WWOX: variants seen among roughly 807,000 people sequenced by gnomAD.
WWOX encodes WW domain containing oxidoreductase.
A neutral mutation model predicts 46.2 loss-of-function variants in WWOX; 69 were observed. The ratio of observed to expected loss-of-function variants is 1.49; its 90% CI spans 1.23 to 1.82. The LOEUF is 1.82. Among genes scored for constraint, WWOX ranks in the 40% most tolerant of loss-of-function variants. WWOX has a pLI of 0.00. For synonymous variants in WWOX, 359 were observed against 202.6 expected (o/e 1.77, Z -6.56); for missense variants, 919 against 542.6 (o/e 1.69, Z -6.89).
chr16:78,809,342 G>T (rs937791582), intron 8 of WWOX, among the ~76,000 whole-genome samples: 2 of 147,546 alleles, frequency 1.4e-5, no homozygotes, highest in African/African-American at 2.5e-5. Flanking sequence ...AAAAACCACC[G>T]TGGTATTCTA....
rs375687991 is a variant in WWOX, at chr16:78,128,966, G to C, written c.409+13812G>C. ...TTAGCAAAGGAAGTTTCAATTCTAA[G>C]TTCACGTACAGTTACTAGATTGAGT... On this transcript the variant is annotated intron_variant, in intron 4 of 8. Coordinates refer to ENST00000566780, the MANE Select transcript of WWOX (RefSeq NM_016373.4). 1.4e-3 allele frequency among the ~76,000 whole-genome samples: 212 copies of C among 152,280 alleles called. 7 individuals carry two copies. In the South Asian group the frequency reaches 0.039, roughly 28 times the overall value.
Position 78,849,498 on chromosome 16 carries a change from C to T in WWOX, c.1057-362110C>T, listed in dbSNP as rs190105612. 5.7e-3 allele frequency among the ~76,000 whole-genome samples: 796 copies of T among 139,368 alleles called. 9 individuals carry two copies. Among genetic ancestry groups the T allele is most frequent in the African/African-American group, 0.019 (720 of 37,692 alleles). 91.4% of individuals were successfully genotyped at this position (139,368 alleles called of 152,430 possible). On this transcript the variant is annotated intron_variant, in intron 8 of 8. Transcript: ENST00000566780. The stretch of plus-strand genomic sequence containing the variant: ...CTGAGGCAGGAGAATGGCGTGAACC[C>T]GGGAGGCGGAGCTTGCAGTGAGCGG...
chr16:78,584,411 C>T (rs187403331), intron 8 of WWOX, among the ~76,000 whole-genome samples: 19 of 152,290 alleles, frequency 1.2e-4, no homozygotes, highest in Admixed American at 5.9e-4. Flanking sequence ...CGCAACACGT[C>T]GCTTAATCTC....
At chr16:78,892,061 G>A (rs1054637145) in intron 8 of WWOX, 1 of 152,070 alleles carries the variant, frequency 6.6e-6, no homozygotes, top group Non-Finnish European at 1.5e-5. Context: ...GATAAAATGG[G>A]TTTTTTTCCT....
At chr16:78,970,138 A>C (rs1355874665) in intron 8 of WWOX, among the ~76,000 whole-genome samples, 1 of 152,190 alleles carries the variant, frequency 6.6e-6, no homozygotes, top group East Asian at 1.9e-4. Context: ...CCTGAGTAGC[A>C]CATCGTGGAA....
Position 79,039,845 on chromosome 16 carries a change from C to T in WWOX, c.1057-171763C>T, listed in dbSNP as rs1275071573. 3.3e-5 allele frequency among the ~76,000 whole-genome samples: 5 copies of T among 152,206 alleles called. No homozygotes were observed. The East Asian group carries it at 9.6e-4, about 29-fold the overall frequency. On this transcript the variant is annotated intron_variant, in intron 8 of 8. Coordinates refer to ENST00000566780, the MANE Select transcript of WWOX (RefSeq NM_016373.4). ...GTCTGATATTCATCATCTGACTCAT[C>T]TCTACCAGTCAGGAGTTGCTTCTTC...
chr16:78,857,069 G>A (rs1449709210), intron 8 of WWOX, among the ~76,000 whole-genome samples: 1 of 152,136 alleles, frequency 6.6e-6, no homozygotes, highest in East Asian at 1.9e-4. Context: ...CAATCTTCTG[G>A]GATCACCATT....
chr16:78,940,919 G>A (rs573079657), intron 8 of WWOX, among the ~76,000 whole-genome samples: 1 of 151,864 alleles, frequency 6.6e-6, no homozygotes, highest in South Asian at 2.1e-4. Flanking sequence ...CCATTTGCTT[G>A]GATCCCAAGG....
At chr16:78,530,829 A>G (rs12444984) in intron 8 of WWOX, among the ~76,000 whole-genome samples, 20 of 152,210 alleles carry the variant, frequency 1.3e-4, no homozygotes, top group Non-Finnish European at 2.6e-4. Context: ...AGTGCTCATA[A>G]TAATTTTTAA....
intron 8 of WWOX, among the ~76,000 whole-genome samples, chr16:78,992,597 G>A (rs1397130283): frequency 6.6e-6 from 1 of 152,186 alleles, no homozygotes; most frequent in Non-Finnish European, 1.5e-5. Flanking sequence ...AGAATGAAAG[G>A]TTTGATTCGT....
At chr16:78,607,020 T>G (rs570257093) in intron 8 of WWOX, among the ~76,000 whole-genome samples, 2 of 152,262 alleles carry the variant, frequency 1.3e-5, no homozygotes, top group Admixed American at 1.3e-4. Context: ...CACAACCTGG[T>G]GAACTGAATA....
intron 8 of WWOX, among the ~76,000 whole-genome samples, chr16:78,603,003 A>G (rs2045659591): frequency 1.3e-5 from 2 of 152,180 alleles, no homozygotes; most frequent in South Asian, 2.1e-4. Flanking sequence ...AAAATGTAAT[A>G]CTCCACCTTG....
chr16:78,602,432 C>T (rs1440157738), intron 8 of WWOX, among the ~76,000 whole-genome samples: 1 of 152,140 alleles, frequency 6.6e-6, no homozygotes, highest in East Asian at 1.9e-4. Context: ...CGGGGTTTCA[C>T]TATATTGGCC....
chr16:78,699,983 G>A (rs2048178036), intron 8 of WWOX, among the ~76,000 whole-genome samples: 2 of 152,062 alleles, frequency 1.3e-5, no homozygotes, highest in Admixed American at 6.6e-5. Flanking sequence ...TCTTGGGGAG[G>A]GGAGGTGGCT....
At chr16:78,336,450 G>A (rs1400137247) in intron 5 of WWOX, among the ~76,000 whole-genome samples, 1 of 145,016 alleles carries the variant, frequency 6.9e-6, no homozygotes, top group African/African-American at 2.6e-5. Context: ...ACGTTGCAGT[G>A]AGCCAAGATC....
At chr16:78,657,298 G>A (rs2047103485) in intron 8 of WWOX, among the ~76,000 whole-genome samples, 2 of 152,058 alleles carry the variant, frequency 1.3e-5, no homozygotes, top group African/African-American at 4.8e-5. Context: ...CCTTCCAAAT[G>A]CCCTTAACCC....
At chr16:78,361,353 C>T (rs560936802) in intron 5 of WWOX, among the ~76,000 whole-genome samples, 10 of 152,144 alleles carry the variant, frequency 6.6e-5, no homozygotes, top group African/African-American at 2.4e-4. Context: ...GTGATGTCTG[C>T]TGAGTTTTTC....
chr16:79,117,497 A>C (rs1049300762), intron 8 of WWOX, among the ~76,000 whole-genome samples: 8 of 152,194 alleles, frequency 5.3e-5, no homozygotes, highest in African/African-American at 1.9e-4. Context: ...GGGAATGGTA[A>C]ATGAGCTTGG....
intron 8 of WWOX, among the ~76,000 whole-genome samples, chr16:78,855,186 A>T (rs1263325111): frequency 6.6e-6 from 1 of 152,186 alleles, no homozygotes; most frequent in Non-Finnish European, 1.5e-5. Flanking sequence ...TGAAAAATAG[A>T]TTACTGTCTT....
Sources: allele counts gnomAD v4.1 joint callset (sites outside exome capture counted in the v4.1 genomes callset), GRCh38; gene constraint gnomAD v4.1.1; transcripts MANE v1.5; gene names NCBI Gene and HGNC (gene_info 2026-07-23, HGNC 2026-07-21).